ABCA6: variants seen among roughly 807,000 people sequenced by gnomAD.
The protein encoded by ABCA6 is ATP-binding cassette sub-family A member 6.
ABCA6 carries 164 observed loss-of-function variants against 191.2 expected under a neutral mutation model. That is an observed-to-expected ratio of 0.86 (90% CI 0.76 to 0.98). The LOEUF (loss-of-function observed/expected upper bound fraction) is 0.98. Among genes scored for constraint, ABCA6 ranks in the 50% least tolerant of loss-of-function variants. The pLI is 0.00. For missense variants in ABCA6, 1,958 were observed against 1,894.1 expected (o/e 1.03, Z -0.63); for synonymous variants, 636 against 647.7 (o/e 0.98, Z 0.27).
intron 21 of ABCA6, among the ~76,000 whole-genome samples, chr17:69,101,139 T>C (rs1330476346): frequency 6.6e-6 from 1 of 152,180 alleles, no homozygotes; most frequent in African/African-American, 2.4e-5. Context: ...ACTCTATTCA[T>C]GTACATTAAG....
chr17:69,124,240 T>C (rs1443540410), intron 9 of ABCA6, among the ~76,000 whole-genome samples: 3 of 151,948 alleles, frequency 2.0e-5, no homozygotes, highest in Non-Finnish European at 4.4e-5. Context: ...CAGGAATATA[T>C]ACAAGTAAAT....
intron 6 of ABCA6, among the ~76,000 whole-genome samples, chr17:69,132,927 T>A (rs1004490670): frequency 1.3e-5 from 2 of 151,782 alleles, no homozygotes; most frequent in African/African-American, 4.8e-5. Context: ...CATGTATGCA[T>A]ACATATGTAA....
Position 69,082,723 on chromosome 17 carries a change from C to T in ABCA6, c.4616+150G>A, listed in dbSNP as rs1752564278. 15 of 1,243,830 alleles carry T rather than the reference C, an allele frequency of 1.2e-5. 1 individual carries two copies. The South Asian group carries it at 2.3e-4, about 19-fold the overall frequency. The allele number at this position is 1,243,830 out of a possible 1,614,324, so 77.0% of individuals were successfully genotyped here. A position where few individuals can be genotyped will look rare whatever the true frequency, so the allele number is the denominator to read the frequency against. On this transcript the variant is annotated intron_variant, in intron 36 of 38. Coordinates refer to ENST00000284425, the MANE Select transcript of ABCA6 (RefSeq NM_080284.3). ...CAGCTTCCTGGGTAGGTCTCAATCT[C>T]TTATAATCTGGAATACTGAACAAAT... is the stretch of plus-strand genomic sequence containing the variant.
rs560572614 is a variant in ABCA6 at position 69,091,813 on chromosome 17, C to T, written c.3409-551G>A. On this transcript the variant is annotated intron_variant, in intron 25 of 38. Transcript: ENST00000284425. The stretch of plus-strand genomic sequence containing the variant: ...CTGGGATTACAGGCGTGAGCCACCG[C>T]GCCCGGCCCCAAATAGACTTCTTGA... Among the ~76,000 whole-genome samples the T allele has an allele frequency of 4.6e-5, 7 of 151,306 alleles. 3 individuals are homozygous for T. The highest frequency in any genetic ancestry group is 1.9e-4 in the East Asian group (1 of 5,164).
chr17:69,089,647 A>G (rs2072881994), intron 26 of ABCA6, 105 bp from the exon 27 acceptor site: 1 of 975,280 alleles, frequency 1.0e-6, no homozygotes. Context: ...TTCCTCATAG[A>G]TCTCAATTTC....
chr17:69,117,782 A>G, intron 11 of ABCA6, 116 bp downstream of exon 11: 1 of 697,100 alleles, frequency 1.4e-6, no homozygotes, highest in Non-Finnish European at 2.4e-6. Context: ...AGCGTTATTT[A>G]TATTCTTTTT....
Position 69,134,332 on chromosome 17 carries a change from T to A in ABCA6, c.564+307A>T, listed in dbSNP as rs1236753288. 3.3e-5 allele frequency among the ~76,000 whole-genome samples: 5 copies of A among 152,262 alleles called. No individual in the cohort carries two copies. In the East Asian group the frequency reaches 9.6e-4, roughly 29 times the overall value. ...GGTGGAGCCCTCATGAATGGATTAG[T>A]GCCTTGTAAAAGGCTAGAGGGAACT... On this transcript the variant is annotated intron_variant, in intron 5 of 38. Transcript: ENST00000284425.
In ABCA6 at chr17:69,102,845, C is replaced by A. The variant is rs771299404; in HGVS notation, c.2864G>T (p.Gly955Val). ...AAAAGGCAAACATACCTTTTGTTTA[C>A]CAGAAACTATGATAGCTCCATTGTA... ...LSYNGAIIVS[G>V]KQKDYRFSVV... is the part of the protein sequence containing the mutation. The change falls in exon 21 of 39, where the codon GGT (glycine) becomes GTT (valine). Residue 955 changes from glycine (G) to valine (V), a missense_variant. By Grantham distance (109) the Gly-to-Val change is moderately radical. Coordinates refer to ENST00000284425, the MANE Select transcript of ABCA6 (RefSeq NM_080284.3). The A allele has an allele frequency of 6.3e-7, 1 of 1,577,500 alleles. No homozygotes were observed. Among genetic ancestry groups the A allele is most frequent in the Non-Finnish European group, 8.6e-7 (1 of 1,168,838 alleles).
At chr17:69,082,296 GCCCTCC>G (rs1194233634) in intron 36 of ABCA6, among the ~76,000 whole-genome samples, 12 of 149,918 alleles carry the variant, frequency 8.0e-5, no homozygotes, top group Non-Finnish European at 1.5e-4. Flanking sequence ...CCACCTTCTT[GCCCTCC>G]CCCAAATAAC....
At chr17:69,097,153 G>A (rs574051372) in intron 23 of ABCA6, among the ~76,000 whole-genome samples, 1 of 152,288 alleles carries the variant, frequency 6.6e-6, no homozygotes, top group South Asian at 2.1e-4. Context: ...AGCACTTTGG[G>A]AGGCCAAGGC....
chr17:69,083,101 T>C (rs558237747), intron 35 of ABCA6, 88 bp from the exon 36 acceptor site: 20 of 1,581,858 alleles, frequency 1.3e-5, no homozygotes, highest in Non-Finnish European at 1.7e-5. Context: ...GAAGAAAAGG[T>C]GTCACCAAGG....
At chr17:69,133,944 T>TA in intron 5 of ABCA6, 77 bp from the exon 6 acceptor site, 1 of 1,036,452 alleles carries the variant, frequency 9.6e-7, no homozygotes. Context: ...CTCTGTGTAT[T>TA]TTACTTATGT....
At chr17:69,112,028 G>A (rs1422046984) in intron 16 of ABCA6, 155 bp downstream of exon 16, 7 of 602,516 alleles carry the variant, frequency 1.2e-5, no homozygotes, top group Non-Finnish European at 2.1e-5. Flanking sequence ...TAAAGACACA[G>A]GAGGAAGGAA....
At chr17:69,124,828 A>G (rs769616967) in intron 9 of ABCA6, 60 bp downstream of exon 9, 2 of 982,890 alleles carry the variant, frequency 2.0e-6, no homozygotes, top group Non-Finnish European at 2.9e-6. Context: ...ATAATCTTAA[A>G]AAATATATTC....
Position 69,137,279 on chromosome 17 carries a change from G to T in ABCA6, c.301+17C>A. ...GACATCTATCAGTAACTCTTTTTTTGCCATGAGTACACCTACCTTTCAAAA... is the reference window on the plus strand; with the variant it reads ...GACATCTATCAGTAACTCTTTTTTTTCCATGAGTACACCTACCTTTCAAAA... On this transcript the variant is annotated intron_variant, in intron 3 of 38. Coordinates refer to ENST00000284425, the MANE Select transcript of ABCA6 (RefSeq NM_080284.3). The T allele has an allele frequency of 1.3e-6, 2 of 1,595,660 alleles. No homozygotes were observed. Among genetic ancestry groups the T allele is most frequent in the Non-Finnish European group, 1.7e-6 (2 of 1,173,408 alleles).
chr17:69,083,406 T>C, intron 34 of ABCA6, 75 bp from the exon 35 acceptor site: 1 of 1,441,708 alleles, frequency 6.9e-7, no homozygotes, highest in Non-Finnish European at 9.2e-7. Flanking sequence ...ATACAATATA[T>C]GAATCATATT....
In ABCA6 at chr17:69,084,519, C is replaced by A. The variant is rs374050782; in HGVS notation, c.4185-12G>T. 123 of 1,613,514 alleles carry A rather than the reference C, an allele frequency of 7.6e-5. No homozygotes were observed. In the African/African-American group the frequency reaches 1.2e-3, roughly 16 times the overall value. ...AAGCACTCACTAATCTGACAGAAAA[C>A]AGAATGAGAATATCTGGTCAAGACA... On this transcript the variant is annotated splice_polypyrimidine_tract_variant and intron_variant, in intron 32 of 38. Coordinates refer to ENST00000284425, the MANE Select transcript of ABCA6 (RefSeq NM_080284.3).
chr17:69,128,614 C>A lies in ABCA6; in HGVS notation c.1119+5G>T. ...CAGTAATAAACCAATTAACTAGGCTCTTACCTGAATCATTCCAGTAGTAAA... is the reference window on the plus strand; with the variant it reads ...CAGTAATAAACCAATTAACTAGGCTATTACCTGAATCATTCCAGTAGTAAA... On this transcript the variant is annotated splice_donor_5th_base_variant and intron_variant, in intron 8 of 38. Coordinates refer to ENST00000284425, the MANE Select transcript of ABCA6 (RefSeq NM_080284.3). 6.2e-7 allele frequency: 1 copy of A among 1,605,718 alleles called. No homozygotes were observed. Among genetic ancestry groups the A allele is most frequent in the Non-Finnish European group, 8.5e-7 (1 of 1,175,246 alleles).
chr17:69,107,908 G>T (rs2073339975), intron 17 of ABCA6, 96 bp from the exon 18 acceptor site: 2 of 773,216 alleles, frequency 2.6e-6, no homozygotes, highest in African/African-American at 1.8e-5. Context: ...ACATAATATT[G>T]TTAAGAAAAT....
Sources: allele counts gnomAD v4.1 joint callset (sites outside exome capture counted in the v4.1 genomes callset), GRCh38; gene constraint gnomAD v4.1.1; transcripts MANE v1.5; gene names NCBI Gene and HGNC (gene_info 2026-07-23, HGNC 2026-07-21).